Variants in PRH1 observed in about 807,000 individuals in gnomAD.
The protein encoded by PRH1 is salivary acidic proline-rich phosphoprotein 1/2.
Under a neutral mutation model 7.9 loss-of-function variants are expected in PRH1, and 7 were observed. The ratio of observed to expected loss-of-function variants is 0.89; its 90% CI spans 0.50 to 1.67. The LOEUF (loss-of-function observed/expected upper bound fraction) is 1.67. Among genes scored for constraint, PRH1 ranks in the 40% most tolerant of loss-of-function variants. PRH1 has a pLI of 0.00. For synonymous variants in PRH1, 45 were observed against 80.8 expected, an observed-to-expected ratio of 0.56 and a Z score of 2.38; for missense variants, 109 against 223.6, an observed-to-expected ratio of 0.49 and a Z score of 3.27.
chr12:11,068,366 C>A (rs577168960), intron 1 of PRH1, among the ~76,000 whole-genome samples: 1 of 152,132 alleles, frequency 6.6e-6, no homozygotes, highest in African/African-American at 2.4e-5. Context: ...TTGATAATTC[C>A]TCTCACATTT....
At chr12:11,024,682 T>C (rs1941822231) in intron 1 of PRH1, among the ~76,000 whole-genome samples, 1 of 152,214 alleles carries the variant, frequency 6.6e-6, no homozygotes, top group African/African-American at 2.4e-5. Flanking sequence ...TATTTATCCA[T>C]CCTTATTTGA....
intron 1 of PRH1, chr12:11,062,263 A>G: frequency 6.2e-7 from 1 of 1,612,616 alleles, no homozygotes; most frequent in Non-Finnish European, 8.5e-7. Context: ...CACTATTAGA[A>G]TGGAAAAAAT....
chr12:10,932,604 A>C (rs1194637968), intron 2 of PRH1, among the ~76,000 whole-genome samples: 1 of 152,216 alleles, frequency 6.6e-6, no homozygotes, highest in Non-Finnish European at 1.5e-5. Flanking sequence ...AGAAAGTCCC[A>C]GAAGCTGAGA....
chr12:11,017,033 T>C (rs1204173834), intron 1 of PRH1, among the ~76,000 whole-genome samples: 1 of 152,248 alleles, frequency 6.6e-6, no homozygotes, highest in African/African-American at 2.4e-5. Flanking sequence ...TCCATAAATT[T>C]AAATCACTAC....
At chr12:10,972,528 A>T (rs1018006701) in intron 2 of PRH1, among the ~76,000 whole-genome samples, 1 of 152,204 alleles carries the variant, frequency 6.6e-6, no homozygotes, top group Non-Finnish European at 1.5e-5. Context: ...AAAATTTTTC[A>T]TAATGACGTT....
intron 2 of PRH1, among the ~76,000 whole-genome samples, chr12:10,943,291 C>A (rs1196396833): frequency 6.6e-6 from 1 of 152,028 alleles, no homozygotes; most frequent in Admixed American, 6.6e-5. Context: ...TGAGATGGTA[C>A]CTCATTGTGG....
At chr12:10,943,481 A>C (rs1950436402) in intron 2 of PRH1, among the ~76,000 whole-genome samples, 1 of 152,130 alleles carries the variant, frequency 6.6e-6, no homozygotes, top group Admixed American at 6.5e-5. Context: ...GGCCTTTGTC[A>C]GATGCATTGT....
chr12:11,147,168 T>C (rs1946887792), intron 1 of PRH1, among the ~76,000 whole-genome samples: 1 of 152,166 alleles, frequency 6.6e-6, no homozygotes, highest in African/African-American at 2.4e-5. Flanking sequence ...AATACTCAGT[T>C]TATCTATGAA....
At chr12:11,015,969 C>T (rs1941274989) in intron 1 of PRH1, among the ~76,000 whole-genome samples, 1 of 152,202 alleles carries the variant, frequency 6.6e-6, no homozygotes, top group Non-Finnish European at 1.5e-5. Context: ...AGACAGATCT[C>T]TTCTGAGAAT....
chr12:10,989,741 A>C (rs1939837894), intron 1 of PRH1, among the ~76,000 whole-genome samples: 1 of 152,182 alleles, frequency 6.6e-6, no homozygotes, highest in African/African-American at 2.4e-5. Flanking sequence ...TTATCTAAAA[A>C]ATATTCTTTT....
intron 1 of PRH1, among the ~76,000 whole-genome samples, chr12:11,081,076 T>TTCTCTTGC (rs1320321878): frequency 8.6e-6 from 1 of 116,632 alleles, no homozygotes; most frequent in African/African-American, 2.9e-5. Flanking sequence ...CTTGCAACAT[T>TTCTCTTGC]TTGTTGCTCT....
At position 11,081,522 on chromosome 12, in the gene PRH1, T is replaced by C. The variant is rs1944500582; in HGVS notation, n.124-34334A>G. On this transcript the variant is annotated intron_variant and non_coding_transcript_variant, in intron 1 of 4. Transcript: ENST00000541977. ...CTGAGAGAATAGAATAAAAGCTTTG[T>C]TCTGGAATTTACCTTCAATTTGAAA... Among the ~76,000 whole-genome samples, 2 of 115,324 alleles carry C rather than the reference T, an allele frequency of 1.7e-5. 1 individual carries two copies. The highest frequency in any genetic ancestry group is 5.8e-5 in the African/African-American group (2 of 34,586). The allele number at this position is 115,324 out of a possible 152,430, so 75.7% of individuals were successfully genotyped here.
chr12:11,104,154 C>T (rs1189396576), intron 1 of PRH1, among the ~76,000 whole-genome samples: 3 of 133,964 alleles, frequency 2.2e-5, no homozygotes, highest in African/African-American at 5.5e-5. Context: ...AAAGATACTT[C>T]GCACAGATAA....
intron 1 of PRH1, among the ~76,000 whole-genome samples, chr12:11,146,964 T>C (rs1946879913): frequency 6.6e-6 from 1 of 152,182 alleles, no homozygotes; most frequent in East Asian, 1.9e-4. Context: ...ATTTTCATAA[T>C]TACACTATAA....
At chr12:10,976,958 A>C (rs1420378573) in intron 1 of PRH1, among the ~76,000 whole-genome samples, 1 of 152,130 alleles carries the variant, frequency 6.6e-6, no homozygotes, top group African/African-American at 2.4e-5. Flanking sequence ...AGGACCAGAC[A>C]GATTCACAGC....
chr12:11,062,277 G>A lies in PRH1; in HGVS notation n.124-15089C>T, dbSNP rs956478416. On this transcript the variant is annotated intron_variant and non_coding_transcript_variant, in intron 1 of 4. Coordinates refer to the PRH1 transcript ENST00000541977. ...CCACTATTAGAATGGAAAAAATGAT[G>A]GGCAGAAAAGTTATCATGTCTGAAC... 1.3e-5 allele frequency: 21 copies of A among 1,611,396 alleles called. No homozygotes were observed. The African/African-American group carries it at 2.7e-4, about 21-fold the overall frequency.
chr12:11,051,190 T>C (rs1943127057), upstream of PRH1, among the ~76,000 whole-genome samples: 1 of 152,206 alleles, frequency 6.6e-6, no homozygotes, highest in Non-Finnish European at 1.5e-5. Context: ...GAAAAATAGA[T>C]GGAAAATGTC....
At chr12:10,977,498 G>A (rs1361662602) in intron 1 of PRH1, among the ~76,000 whole-genome samples, 2 of 152,054 alleles carry the variant, frequency 1.3e-5, no homozygotes, top group Non-Finnish European at 2.9e-5. Context: ...TGGAAGATAG[G>A]AACAAGACAA....
In PRH1 at chr12:11,076,702, A is replaced by C. The variant is rs1399560585; in HGVS notation, n.124-29514T>G. On this transcript the variant is annotated intron_variant and non_coding_transcript_variant, in intron 1 of 4. Transcript: ENST00000541977. ...ATGATTTTTATTCTAGGCTATGCAC[A>C]TACTTGTATTAAATTTAGTATTCTT... The C allele has an allele frequency of 1.7e-5, 2 of 115,764 alleles. 1 individual carries two copies. Among genetic ancestry groups the C allele is most frequent in the Non-Finnish European group, 4.1e-5 (2 of 48,878 alleles). 7.2% of individuals were successfully genotyped at this position (115,764 alleles called of 1,614,324 possible).
Sources: gnomAD v4.1 joint callset for allele counts (sites outside exome capture counted in the v4.1 genomes callset) on GRCh38, gnomAD v4.1.1 for gene constraint, MANE v1.5 for transcripts, NCBI Gene and HGNC (gene_info 2026-07-23, HGNC 2026-07-21) for gene names.